DLG1: variants seen among roughly 807,000 people sequenced by gnomAD.
DLG1 encodes disks large homolog 1.
A neutral mutation model predicts 123.4 loss-of-function variants in DLG1; 42 were observed. That is an observed-to-expected ratio of 0.34 (90% CI 0.27 to 0.44). The LOEUF (loss-of-function observed/expected upper bound fraction) is 0.44, where lower values mean the gene tolerates loss of function less well. DLG1 is among the 20% of genes least tolerant of loss of function. The probability of loss-of-function intolerance (pLI) is 1.00; values close to 1 mark genes in which losing one functional copy is unlikely to be tolerated. For missense variants in DLG1, 942 were observed against 1,082.6 expected (o/e 0.87, Z 1.82); for synonymous variants, 317 against 356.2 (o/e 0.89, Z 1.24).
intron 4 of DLG1, among the ~76,000 whole-genome samples, chr3:197,229,590 A>G (rs536164572): frequency 3.9e-5 from 6 of 152,302 alleles, no homozygotes; most frequent in Admixed American, 2.0e-4. Context: ...TTGGATATTA[A>G]TCAGTTTCTT....
chr3:197,272,993 T>A (rs964549832), intron 4 of DLG1, among the ~76,000 whole-genome samples: 16 of 152,216 alleles, frequency 1.1e-4, no homozygotes, highest in Non-Finnish European at 1.3e-4. Flanking sequence ...ACAACTACCA[T>A]CACTATCTAA....
chr3:197,096,634 G>C (rs1760814179), intron 14 of DLG1, among the ~76,000 whole-genome samples: 1 of 152,008 alleles, frequency 6.6e-6, no homozygotes, highest in Non-Finnish European at 1.5e-5. Context: ...TCACCTTCTT[G>C]GTTTAAGGAA....
intron 4 of DLG1, among the ~76,000 whole-genome samples, chr3:197,226,523 A>C (rs1561554350): frequency 6.6e-6 from 1 of 152,214 alleles, no homozygotes; most frequent in Non-Finnish European, 1.5e-5. Context: ...AGTCTGATTT[A>C]AAATATAGTT....
At chr3:197,216,343 A>G (rs1288261665) in intron 4 of DLG1, among the ~76,000 whole-genome samples, 2 of 152,190 alleles carry the variant, frequency 1.3e-5, no homozygotes, top group Non-Finnish European at 2.9e-5. Flanking sequence ...TTATTCCCAG[A>G]TTCAATGATT....
chr3:197,248,997 G>T (rs1753111483), intron 4 of DLG1, among the ~76,000 whole-genome samples: 1 of 152,052 alleles, frequency 6.6e-6, no homozygotes, highest in African/African-American at 2.4e-5. Context: ...ATAAAAAAAT[G>T]AGAAAGACTT....
intron 5 of DLG1, among the ~76,000 whole-genome samples, chr3:197,152,654 T>C (rs1262739068): frequency 6.7e-6 from 1 of 149,616 alleles, no homozygotes. Context: ...TCCCAGCTAC[T>C]TGGGAGGCTG....
chr3:197,275,835 CAACAATT>C (rs956691897), intron 4 of DLG1, among the ~76,000 whole-genome samples: 51 of 152,172 alleles, frequency 3.4e-4, no homozygotes, highest in Middle Eastern at 3.4e-3. Flanking sequence ...CTATAGGTAA[CAACAATT>C]TATTGTATAT....
chr3:197,248,075 TAC>T (rs1273294300), intron 4 of DLG1, among the ~76,000 whole-genome samples: 1 of 152,178 alleles, frequency 6.6e-6, no homozygotes, highest in African/African-American at 2.4e-5. Context: ...TTACTCACTC[TAC>T]ACTTAATGTG....
At chr3:197,285,339 C>T (rs949615747) in intron 3 of DLG1, among the ~76,000 whole-genome samples, 4 of 151,870 alleles carry the variant, frequency 2.6e-5, no homozygotes, top group Non-Finnish European at 4.4e-5. Flanking sequence ...AGAAATAAGG[C>T]AATACTAACT....
chr3:197,225,452 T>G (rs1739375246), intron 4 of DLG1, among the ~76,000 whole-genome samples: 1 of 152,182 alleles, frequency 6.6e-6, no homozygotes. Context: ...CAACACAATT[T>G]AGTATCAAAA....
At chr3:197,114,756 G>A (rs913013972) in intron 13 of DLG1, among the ~76,000 whole-genome samples, 2 of 152,136 alleles carry the variant, frequency 1.3e-5, no homozygotes, top group Admixed American at 6.5e-5. Flanking sequence ...GCCGAGGTGG[G>A]AGGATCACGA....
At chr3:197,297,366 G>A (rs745569657) in intron 1 of DLG1, 131 bp from the exon 2 acceptor site, 712 of 1,467,450 alleles carry the variant, frequency 4.9e-4, no homozygotes, top group Non-Finnish European at 6.2e-4. Context: ...GTCAAAGAAA[G>A]AGTCTCAAAA....
intron 11 of DLG1, among the ~76,000 whole-genome samples, chr3:197,121,943 A>G (rs1776643583): frequency 1.3e-5 from 2 of 151,896 alleles, no homozygotes; most frequent in African/African-American, 2.4e-5. Flanking sequence ...ATCCTTCCCA[A>G]GAAAACTCCA....
rs996963098 is a variant in DLG1, at chr3:197,289,338, G to GCACACACACA, written c.152-6494_152-6493insTGTGTGTGTG. 1.9e-4 allele frequency among the ~76,000 whole-genome samples: 13 copies of GCACACACACA among 69,978 alleles called. No homozygotes were observed. In the East Asian group the frequency reaches 7.0e-3, roughly 38 times the overall value. 45.9% of individuals were successfully genotyped at this position (69,978 alleles called of 152,430 possible). On this transcript the variant is annotated intron_variant, in intron 3 of 24. Coordinates refer to ENST00000667157, the MANE Select transcript of DLG1 (RefSeq NM_001366207.1). The stretch of plus-strand genomic sequence containing the variant: ...GGTGGGGGGTGGCGTGTATACACGC[G>GCACACACACA]CATACACACACACACACACACACAC...
chr3:197,267,508 G>C (rs1762188982), intron 4 of DLG1, among the ~76,000 whole-genome samples: 1 of 152,058 alleles, frequency 6.6e-6, no homozygotes, highest in African/African-American at 2.4e-5. Flanking sequence ...TTCTTAGTAG[G>C]ACCCTATAGC....
At chr3:197,228,565 G>A (rs1252378058) in intron 4 of DLG1, among the ~76,000 whole-genome samples, 2 of 151,880 alleles carry the variant, frequency 1.3e-5, no homozygotes, top group African/African-American at 4.8e-5. Flanking sequence ...TATACATTTT[G>A]GGTCAAAATT....
At chr3:197,044,805 A>G (rs1435231290) in intron 24 of DLG1, 76 bp from the exon 25 acceptor site, 1 of 867,288 alleles carries the variant, frequency 1.2e-6, no homozygotes, top group Non-Finnish European at 1.7e-6. Context: ...ATGAAATAGT[A>G]GAAGCTAGTA....
At chr3:197,045,588 A>T (rs1184781723) in intron 24 of DLG1, among the ~76,000 whole-genome samples, 1 of 151,310 alleles carries the variant, frequency 6.6e-6, no homozygotes, top group African/African-American at 2.4e-5. Context: ...AAAAAAAAAA[A>T]AAAATAGCTG....
chr3:197,137,968 C>A (rs1349681056), intron 9 of DLG1, among the ~76,000 whole-genome samples: 3 of 110,310 alleles, frequency 2.7e-5, no homozygotes, highest in Non-Finnish European at 3.9e-5. Flanking sequence ...CAAAACCCTG[C>A]CTCAAAAAAA....
Sources: gnomAD v4.1 joint callset for allele counts (sites outside exome capture counted in the v4.1 genomes callset) on GRCh38, gnomAD v4.1.1 for gene constraint, MANE v1.5 for transcripts, NCBI Gene and HGNC (gene_info 2026-07-23, HGNC 2026-07-21) for gene names.